The following SLC12A7 variants were observed in gnomAD, a reference collection of about 807,000 sequenced individuals.
The protein encoded by SLC12A7 is solute carrier family 12 member 7, also known as K-Cl cotransporter 4.
SLC12A7 carries 100 observed loss-of-function variants against 120.6 expected under a neutral mutation model. The observed-to-expected ratio is 0.83, with a 90% CI of 0.71 to 0.98. The LOEUF is 0.98. SLC12A7 is among the 50% of genes least tolerant of loss of function. The pLI is 0.00. For synonymous variants in SLC12A7, 760 were observed against 678.0 expected (o/e 1.12, Z -1.88); for missense variants, 1,373 against 1,548.1 (o/e 0.89, Z 1.90).
At chr5:1,082,023 A>G (rs563973664) in intron 8 of SLC12A7, among the ~76,000 whole-genome samples, 3 of 106,834 alleles carry the variant, frequency 2.8e-5, no homozygotes, top group African/African-American at 5.8e-5. Flanking sequence ...CGGGTTCTGG[A>G]AAGTCCAGGC....
chr5:1,084,075 A>G (rs1287333450), intron 7 of SLC12A7, 119 bp from the exon 8 acceptor site: 17 of 773,668 alleles, frequency 2.2e-5, no homozygotes. Context: ...GGCACCCTGC[A>G]CCTCCCAAGA....
chr5:1,121,974 G>T, the SLC12A7 span, among the ~76,000 whole-genome samples: 36 of 152,298 alleles, frequency 2.4e-4, no homozygotes, highest in South Asian at 7.0e-3. Context: ...ACACTGCGCT[G>T]CAGGCACGAA....
chr5:1,141,398 G>A, the SLC12A7 span, among the ~76,000 whole-genome samples: 2 of 152,134 alleles, frequency 1.3e-5, no homozygotes, highest in Admixed American at 1.3e-4. Flanking sequence ...AGATGTCACT[G>A]AGCCTGTAAC....
At chr5:1,096,685 G>GAAGGA (rs1324708455) in intron 1 of SLC12A7, among the ~76,000 whole-genome samples, 1 of 122,702 alleles carries the variant, frequency 8.1e-6, no homozygotes, top group Non-Finnish European at 1.7e-5. Context: ...AGAAAGGAGG[G>GAAGGA]AGGGGGGAAG....
chr5:1,103,673 C>T (rs946965483), intron 1 of SLC12A7, among the ~76,000 whole-genome samples: 19 of 152,252 alleles, frequency 1.2e-4, no homozygotes, highest in African/African-American at 4.6e-4. Context: ...ACACACATAC[C>T]TGCAGCACAC....
At chr5:1,073,282 C>A (rs1304905232) in intron 17 of SLC12A7, among the ~76,000 whole-genome samples, 1 of 114,098 alleles carries the variant, frequency 8.8e-6, no homozygotes, top group Non-Finnish European at 1.6e-5. Context: ...CCCCAGCACA[C>A]GGGCATCACA....
chr5:1,126,081 CTTTT>C, the SLC12A7 span, among the ~76,000 whole-genome samples: 1 of 151,988 alleles, frequency 6.6e-6, no homozygotes, highest in African/African-American at 2.4e-5. Flanking sequence ...TTCATCTATT[CTTTT>C]TATTTTATTT....
intron 6 of SLC12A7, among the ~76,000 whole-genome samples, chr5:1,086,618 C>T (rs1579394440): frequency 6.6e-6 from 1 of 152,354 alleles, no homozygotes; most frequent in African/African-American, 2.4e-5. Context: ...CAGGACTGCA[C>T]CTACGCGGGG....
At chr5:1,152,696 G>A in the SLC12A7 span, among the ~76,000 whole-genome samples, 3 of 152,174 alleles carry the variant, frequency 2.0e-5, no homozygotes, top group African/African-American at 7.2e-5. Flanking sequence ...ACCATGCACT[G>A]CCTCAGCACC....
chr5:1,118,410 C>T, the SLC12A7 span, among the ~76,000 whole-genome samples: 1 of 152,244 alleles, frequency 6.6e-6, no homozygotes. Context: ...CGTTTCAGTG[C>T]AATCTGAGAA....
the SLC12A7 span, among the ~76,000 whole-genome samples, chr5:1,136,503 C>T: frequency 1.6e-4 from 18 of 110,962 alleles, no homozygotes; most frequent in Non-Finnish European, 2.1e-4. Context: ...CAGGCACACA[C>T]GTGGTCAGAC....
At chr5:1,128,309 A>T in the SLC12A7 span, among the ~76,000 whole-genome samples, 1 of 152,224 alleles carries the variant, frequency 6.6e-6, no homozygotes, top group African/African-American at 2.4e-5. Context: ...AAATCCCAGG[A>T]CGAGCTCTCA....
At chr5:1,111,671 AG>A (rs1743019142) in intron 1 of SLC12A7, among the ~76,000 whole-genome samples, 196 bp downstream of exon 1, 2 of 152,110 alleles carry the variant, frequency 1.3e-5, no homozygotes, top group Non-Finnish European at 2.9e-5. Context: ...GAGCCCTGGC[AG>A]GGCCCCTCGC....
intron 1 of SLC12A7, among the ~76,000 whole-genome samples, chr5:1,094,619 G>A (rs772417351): frequency 6.6e-6 from 1 of 152,220 alleles, no homozygotes; most frequent in Non-Finnish European, 1.5e-5. Context: ...CAAGTGAGCT[G>A]TTCAGCCCAG....
chr5:1,062,711 G>T (rs1736433882), intron 20 of SLC12A7, among the ~76,000 whole-genome samples: 1 of 109,994 alleles, frequency 9.1e-6, no homozygotes, highest in Non-Finnish European at 2.1e-5. Flanking sequence ...GGGACTGGGG[G>T]ACTGGGGGGC....
At chr5:1,064,821 A>G (rs867020057) in intron 18 of SLC12A7, among the ~76,000 whole-genome samples, 853 of 25,668 alleles carry the variant, frequency 0.033, no homozygotes, top group South Asian at 0.038. Context: ...ACAGTGAGGG[A>G]ACGGCGAGGG....
Position 1,088,236 on chromosome 5 carries a change from C to T in SLC12A7, c.544+70G>A, listed in dbSNP as rs546328644. 9.7e-5 allele frequency: 146 copies of T among 1,498,244 alleles called. No homozygotes were observed. In the East Asian group the frequency reaches 1.7e-3, roughly 18 times the overall value. The allele number at this position is 1,498,244 out of a possible 1,614,324, so 92.8% of individuals were successfully genotyped here. Reference sequence around the variant, plus strand: ...CCGGCCTCGCCAAGCGGCCTCCTCGCGGTTGCCGTGCGGCAAAACACAGAC... The same window carrying T: ...CCGGCCTCGCCAAGCGGCCTCCTCGTGGTTGCCGTGCGGCAAAACACAGAC... On this transcript the variant is annotated intron_variant, in intron 5 of 23. Transcript: ENST00000264930.
chr5:1,144,862 G>T, the SLC12A7 span, among the ~76,000 whole-genome samples: 3 of 152,102 alleles, frequency 2.0e-5, no homozygotes, highest in East Asian at 1.9e-4. Context: ...GCCTCCGAGC[G>T]GCAGAAAGCA....
At chr5:1,091,409 C>T (rs1031403428) in intron 3 of SLC12A7, among the ~76,000 whole-genome samples, 1 of 152,136 alleles carries the variant, frequency 6.6e-6, no homozygotes, top group African/African-American at 2.4e-5. Context: ...TGAGCCCAGC[C>T]GAGCTGGAGC....
Sources: allele counts gnomAD v4.1 joint callset (sites outside exome capture counted in the v4.1 genomes callset), GRCh38; gene constraint gnomAD v4.1.1; transcripts MANE v1.5; gene names NCBI Gene and HGNC (gene_info 2026-07-23, HGNC 2026-07-21).